Variants in LSAMP observed in about 807,000 individuals in gnomAD.
The protein encoded by LSAMP is limbic system-associated membrane protein.
Under a neutral mutation model 38.6 loss-of-function variants are expected in LSAMP, and 7 were observed. The observed-to-expected ratio is 0.18, with a 90% CI of 0.10 to 0.34. The LOEUF (loss-of-function observed/expected upper bound fraction) is 0.34, where lower values mean the gene tolerates loss of function less well. LSAMP is among the 10% of genes least tolerant of loss of function. The probability of loss-of-function intolerance (pLI) is 1.00; values close to 1 mark genes in which losing one functional copy is unlikely to be tolerated. For synonymous variants in LSAMP, 154 were observed against 166.8 expected, an observed-to-expected ratio of 0.92 and a Z score of 0.59; for missense variants, 313 against 420.0, an observed-to-expected ratio of 0.75 and a Z score of 2.23.
intron 6 of LSAMP, among the ~76,000 whole-genome samples, chr3:115,818,822 A>ATATATATATATATATATAT (rs55828725): frequency 3.5e-3 from 439 of 124,830 alleles, no homozygotes; most frequent in Non-Finnish European, 4.5e-3. Context: ...ATATATATAT[A>ATATATATATATATATATAT]ACTGCAGCAA....
chr3:116,384,105 C>T (rs900475915), intron 1 of LSAMP, among the ~76,000 whole-genome samples: 1 of 151,992 alleles, frequency 6.6e-6, no homozygotes, highest in African/African-American at 2.4e-5. Context: ...AATTATTTGG[C>T]CTATCTCTGC....
intron 3 of LSAMP, among the ~76,000 whole-genome samples, chr3:115,912,845 G>T (rs1034996909): frequency 1.3e-5 from 2 of 152,016 alleles, no homozygotes. Flanking sequence ...CTCAACTCTG[G>T]GATATACGAG....
At chr3:115,976,315 G>A (rs1939187258) in intron 3 of LSAMP, among the ~76,000 whole-genome samples, 1 of 152,058 alleles carries the variant, frequency 6.6e-6, no homozygotes, top group South Asian at 2.1e-4. Context: ...AATTCACAAC[G>A]AGAAGATTAG....
Position 115,842,492 on chromosome 3 carries a change from C to T in LSAMP, c.736G>A (p.Ala246Thr), listed in dbSNP as rs141290672. Reference protein sequence around the residue: ...SLKCEASAVPAPDFEWYRDDT... With the variant: ...SLKCEASAVPTPDFEWYRDDT... Reference sequence around the variant, plus strand: ...TCCCGGTACCACTCAAAGTCAGGTGCAGGCACTGCCGAGGCCTCACATTTG... The same window carrying T: ...TCCCGGTACCACTCAAAGTCAGGTGTAGGCACTGCCGAGGCCTCACATTTG... The change falls in exon 5 of 7, where the codon GCA becomes ACA. Residue 246 changes from alanine to threonine, a missense_variant. Ala to Thr is a moderately conservative substitution (Grantham distance 58). Coordinates refer to ENST00000490035, the MANE Select transcript of LSAMP (RefSeq NM_002338.5). 6.3e-5 allele frequency: 102 copies of T among 1,613,892 alleles called. No individual in the cohort carries two copies. The African/African-American group carries it at 1.3e-3, about 20-fold the overall frequency.
At chr3:116,108,816 G>T (rs1214496290) in intron 1 of LSAMP, among the ~76,000 whole-genome samples, 1 of 152,188 alleles carries the variant, frequency 6.6e-6, no homozygotes. Flanking sequence ...GGAACGCCTG[G>T]CCGCTGCGGT....
At chr3:116,429,627 C>A (rs1336173074) in intron 1 of LSAMP, among the ~76,000 whole-genome samples, 2 of 152,120 alleles carry the variant, frequency 1.3e-5, no homozygotes, top group Non-Finnish European at 2.9e-5. Flanking sequence ...CTACTGAGAT[C>A]ATCTCTGATG....
chr3:116,378,909 CAGTGAGTA>C (rs1168241579), intron 1 of LSAMP, among the ~76,000 whole-genome samples: 1 of 151,660 alleles, frequency 6.6e-6, no homozygotes, highest in Non-Finnish European at 1.5e-5. Flanking sequence ...CAAGGTCACA[CAGTGAGTA>C]AAGGGCAGAA....
chr3:116,227,666 TC>T (rs1287369577), intron 1 of LSAMP, among the ~76,000 whole-genome samples: 2 of 106,730 alleles, frequency 1.9e-5, no homozygotes, highest in Non-Finnish European at 4.7e-5. Flanking sequence ...GCTCCGTAGT[TC>T]CTTTTTTTTC....
intron 3 of LSAMP, among the ~76,000 whole-genome samples, chr3:115,973,894 CTT>C (rs1264558041): frequency 6.6e-6 from 1 of 152,120 alleles, no homozygotes; most frequent in African/African-American, 2.4e-5. Context: ...TACTCAAAAA[CTT>C]TGGAATTTTT....
intron 1 of LSAMP, among the ~76,000 whole-genome samples, chr3:116,204,413 C>G (rs1285379967): frequency 6.6e-6 from 1 of 152,110 alleles, no homozygotes; most frequent in Non-Finnish European, 1.5e-5. Context: ...TAATTAAACC[C>G]CATTTGTCAA....
At chr3:116,342,956 G>T (rs2048016431) in intron 1 of LSAMP, among the ~76,000 whole-genome samples, 2 of 152,064 alleles carry the variant, frequency 1.3e-5, no homozygotes, top group Admixed American at 1.3e-4. Flanking sequence ...GAAAATGTAA[G>T]AAATAAAGTG....
At chr3:116,030,135 ACC>A (rs1462519104) in intron 2 of LSAMP, among the ~76,000 whole-genome samples, 2 of 152,128 alleles carry the variant, frequency 1.3e-5, no homozygotes, top group Non-Finnish European at 2.9e-5. Context: ...CCCTTAGTCT[ACC>A]TAAAATCAAG....
At chr3:116,207,459 G>A (rs2046086520) in intron 1 of LSAMP, among the ~76,000 whole-genome samples, 1 of 148,650 alleles carries the variant, frequency 6.7e-6, no homozygotes, top group African/African-American at 2.5e-5. Context: ...GATGTTAGCT[G>A]GTGATTTTGC....
intron 1 of LSAMP, among the ~76,000 whole-genome samples, chr3:116,105,598 A>G (rs1290056274): frequency 2.0e-5 from 3 of 152,070 alleles, no homozygotes; most frequent in Non-Finnish European, 4.4e-5. Flanking sequence ...GAGCCAGGAG[A>G]AGGAAATTCA....
intron 3 of LSAMP, among the ~76,000 whole-genome samples, chr3:115,882,915 A>G (rs1284208602): frequency 6.6e-6 from 1 of 152,050 alleles, no homozygotes; most frequent in African/African-American, 2.4e-5. Flanking sequence ...CCCCACTTGT[A>G]TCCTTATGCT....
At chr3:115,958,919 CTGTAGG>C (rs2107590403) in intron 3 of LSAMP, among the ~76,000 whole-genome samples, 1 of 152,262 alleles carries the variant, frequency 6.6e-6, no homozygotes, top group African/African-American at 2.4e-5. Context: ...GCCAGGAGGA[CTGTAGG>C]CCACCCATAG....
chr3:115,982,825 C>G (rs1255787310), intron 3 of LSAMP, among the ~76,000 whole-genome samples: 2 of 151,602 alleles, frequency 1.3e-5, no homozygotes, highest in Admixed American at 6.6e-5. Flanking sequence ...ATCACTTCCT[C>G]TTTTTCTGTT....
chr3:116,057,949 A>ACC (rs1559726038), intron 2 of LSAMP, among the ~76,000 whole-genome samples: 1 of 106,692 alleles, frequency 9.4e-6, no homozygotes, highest in East Asian at 2.4e-4. Context: ...ACACACACAC[A>ACC]CACACACCCA....
intron 2 of LSAMP, among the ~76,000 whole-genome samples, chr3:116,060,425 G>A (rs540023342): frequency 6.6e-6 from 1 of 152,026 alleles, no homozygotes; most frequent in East Asian, 1.9e-4. Flanking sequence ...AAAAAGGAGG[G>A]ATTACTTTTA....
Sources: allele counts gnomAD v4.1 joint callset (sites outside exome capture counted in the v4.1 genomes callset), GRCh38; gene constraint gnomAD v4.1.1; transcripts MANE v1.5; gene names NCBI Gene and HGNC (gene_info 2026-07-23, HGNC 2026-07-21).